The following GRIN2B variants were observed in gnomAD, a reference collection of about 807,000 sequenced individuals.
GRIN2B encodes the protein glutamate receptor ionotropic, NMDA 2B.
A neutral mutation model predicts 114.5 loss-of-function variants in GRIN2B; 5 were observed. That is an observed-to-expected ratio of 0.04 (90% CI 0.02 to 0.09). GRIN2B has a LOEUF of 0.09. GRIN2B is among the 10% of genes least tolerant of loss of function. The pLI, the probability that GRIN2B is intolerant of heterozygous loss-of-function variation, is 1.00. For missense variants in GRIN2B, 1,108 were observed against 1,943.5 expected (o/e 0.57, Z 8.08); for synonymous variants, 787 against 745.1 (o/e 1.06, Z -0.92).
intron 5 of GRIN2B, among the ~76,000 whole-genome samples, chr12:13,657,388 G>A (rs1253444144): frequency 6.6e-6 from 1 of 152,128 alleles, no homozygotes; most frequent in Non-Finnish European, 1.5e-5. Flanking sequence ...GTTTAAAAAG[G>A]CATTTAAGAG....
At chr12:13,923,178 G>T (rs1194054950) in intron 2 of GRIN2B, among the ~76,000 whole-genome samples, 1 of 152,002 alleles carries the variant, frequency 6.6e-6, no homozygotes, top group Non-Finnish European at 1.5e-5. Context: ...TAAATCTAGG[G>T]TATGCATTCT....
chr12:13,717,715 T>C (rs1950469298), intron 4 of GRIN2B, among the ~76,000 whole-genome samples: 3 of 152,006 alleles, frequency 2.0e-5, no homozygotes, highest in South Asian at 2.1e-4. Context: ...ACACTACCTA[T>C]ACCTTCACTG....
chr12:13,877,210 A>G (rs1374017494), intron 2 of GRIN2B, among the ~76,000 whole-genome samples: 1 of 152,170 alleles, frequency 6.6e-6, no homozygotes, highest in Non-Finnish European at 1.5e-5. Context: ...CTGATGGAAC[A>G]TGGCACCCAA....
chr12:13,757,493 C>T (rs775800557), intron 3 of GRIN2B, among the ~76,000 whole-genome samples: 1 of 152,064 alleles, frequency 6.6e-6, no homozygotes, highest in Admixed American at 6.5e-5. Context: ...CGCAAGTTAT[C>T]GAGGATGAAG....
At position 13,682,503 on chromosome 12, in the gene GRIN2B, T is replaced by G. The variant is rs187236974; in HGVS notation, c.1011-6644A>C. Among the ~76,000 whole-genome samples, 669 of 152,116 alleles carry G rather than the reference T, an allele frequency of 4.4e-3. 6 individuals carry two copies. Among genetic ancestry groups the G allele is most frequent in the Middle Eastern group, 0.017 (5 of 294 alleles). On this transcript the variant is annotated intron_variant, in intron 4 of 13. Coordinates refer to ENST00000609686, the MANE Select transcript of GRIN2B (RefSeq NM_000834.5). ...TTTCTCTGAAATGGTGTTTATACCA[T>G]TAATTTATTTTGCAAACCATTCTTC...
chr12:13,607,931 A>T, intron 10 of GRIN2B, among the ~76,000 whole-genome samples: 1 of 152,110 alleles, frequency 6.6e-6, no homozygotes, highest in Non-Finnish European at 1.5e-5. Context: ...GGCAGACTGG[A>T]GGGTCAGATG....
intron 4 of GRIN2B, among the ~76,000 whole-genome samples, chr12:13,693,723 T>C (rs531864990): frequency 1.5e-4 from 23 of 152,264 alleles, no homozygotes; most frequent in Admixed American, 8.5e-4. Flanking sequence ...ATGGAAACCA[T>C]CAGAGGAAGC....
At position 13,981,159 on chromosome 12, in the gene GRIN2B, C is replaced by T. The variant is rs1315568988; in HGVS notation, c.-448+183G>A. Among the ~76,000 whole-genome samples, 4 of 102,732 alleles carry T rather than the reference C, an allele frequency of 3.9e-5. No individual in the cohort carries two copies. The South Asian group carries it at 1.1e-3, about 28-fold the overall frequency. The allele number at this position is 102,732 out of a possible 152,430, so 67.4% of individuals were successfully genotyped here. ...TACCCAGTCACAGCACCCCCTCCCC[C>T]ACAAAAAAAAAAAACCTTTAAAAAA... On this transcript the variant is annotated intron_variant, in intron 1 of 13. Transcript: ENST00000609686.
intron 4 of GRIN2B, among the ~76,000 whole-genome samples, chr12:13,730,231 C>T (rs974495062): frequency 3.3e-5 from 5 of 151,910 alleles, no homozygotes; most frequent in Admixed American, 2.0e-4. Flanking sequence ...GAAATCCATT[C>T]GTCTTCAAAA....
chr12:13,927,734 G>A (rs1866943008), intron 2 of GRIN2B, among the ~76,000 whole-genome samples: 2 of 150,306 alleles, frequency 1.3e-5, no homozygotes, highest in African/African-American at 4.9e-5. Context: ...TGGGAGGATC[G>A]CTTGAGCCCA....
At chr12:13,967,061 G>C (rs1323742105) in intron 2 of GRIN2B, among the ~76,000 whole-genome samples, 2 of 152,208 alleles carry the variant, frequency 1.3e-5, no homozygotes, top group Non-Finnish European at 2.9e-5. Context: ...GCAAGGAGCT[G>C]AGGAAGTACA....
intron 5 of GRIN2B, among the ~76,000 whole-genome samples, chr12:13,660,235 C>A (rs141065680): frequency 6.6e-6 from 1 of 152,192 alleles, no homozygotes; most frequent in Non-Finnish European, 1.5e-5. Flanking sequence ...GAGGACCACA[C>A]ACAGGCATGA....
At chr12:13,817,132 G>A (rs971507198) in intron 3 of GRIN2B, among the ~76,000 whole-genome samples, 2 of 151,970 alleles carry the variant, frequency 1.3e-5, no homozygotes, top group Non-Finnish European at 2.9e-5. Flanking sequence ...AATTTTGCAA[G>A]AAGAATAAAA....
At chr12:13,618,565 T>C (rs567885046) in intron 5 of GRIN2B, among the ~76,000 whole-genome samples, 7 of 152,298 alleles carry the variant, frequency 4.6e-5, no homozygotes, top group South Asian at 2.1e-4. Flanking sequence ...CCAGAGTCCA[T>C]TGTGGACACT....
rs138108573 is a variant in GRIN2B at position 13,970,570 on chromosome 12, G to T, written c.-19+9358C>A. On this transcript the variant is annotated intron_variant, in intron 2 of 13. Coordinates refer to ENST00000609686, the MANE Select transcript of GRIN2B (RefSeq NM_000834.5). ...TCTGCTAACCACTGAGGACATAAAA[G>T]GACAAAGTCATAAATCTTGTCCTCA... Among the ~76,000 whole-genome samples the T allele has an allele frequency of 5.8e-3, 877 of 152,058 alleles. 16 individuals carry two copies. Among genetic ancestry groups the T allele is most frequent in the African/African-American group, 0.02 (847 of 41,464 alleles).
intron 4 of GRIN2B, among the ~76,000 whole-genome samples, chr12:13,744,420 AGTGTGTGC>A: frequency 1.3e-5 from 2 of 152,332 alleles, no homozygotes; most frequent in South Asian, 4.1e-4. Context: ...CATGAATATG[AGTGTGTGC>A]GTGCAAGAAT....
In GRIN2B at chr12:13,563,566, G is replaced by T; in HGVS notation, c.3672C>A (p.Asn1224Lys). ...TCTGACCCGTCACCGTCGTGGAGTA[G>T]TTGTGCAGCTTGGAGGGACAGCTGC... ...FCRSCPSKLHNYSTTVTGQNS... is the reference protein window; with the variant it reads ...FCRSCPSKLHKYSTTVTGQNS... The change falls in exon 14 of 14, where the codon AAC (asparagine) becomes AAA (lysine). Residue 1224 changes from asparagine to lysine, a missense_variant. Transcript: ENST00000609686. The T allele has an allele frequency of 6.2e-7, 1 of 1,614,136 alleles. No individual in the cohort carries two copies. Among genetic ancestry groups the T allele is most frequent in the Non-Finnish European group, 8.5e-7 (1 of 1,180,024 alleles).
intron 5 of GRIN2B, among the ~76,000 whole-genome samples, chr12:13,661,369 G>C (rs1949921150): frequency 6.6e-6 from 1 of 152,188 alleles, no homozygotes; most frequent in Non-Finnish European, 1.5e-5. Context: ...CTTCAGACAA[G>C]TAGTGCCTTT....
chr12:13,570,219 T>C (rs1038856437), intron 11 of GRIN2B, among the ~76,000 whole-genome samples: 5 of 152,196 alleles, frequency 3.3e-5, no homozygotes, highest in African/African-American at 1.2e-4. Flanking sequence ...AAGGAGGAGT[T>C]CTTTTCTTCC....
Sources: gnomAD v4.1 joint callset for allele counts (sites outside exome capture counted in the v4.1 genomes callset) on GRCh38, gnomAD v4.1.1 for gene constraint, MANE v1.5 for transcripts, NCBI Gene and HGNC (gene_info 2026-07-23, HGNC 2026-07-21) for gene names.